Variants in DACT1 observed in about 807,000 individuals in gnomAD.
The protein encoded by DACT1 is dapper homolog 1.
In DACT1, 19 loss-of-function variants were observed where a neutral mutation model predicts 35.3. The ratio of observed to expected loss-of-function variants is 0.54; its 90% CI spans 0.38 to 0.79. The LOEUF (loss-of-function observed/expected upper bound fraction) is 0.79, where lower values mean the gene tolerates loss of function less well. Among genes scored for constraint, DACT1 ranks in the 30% least tolerant of loss-of-function variants. The pLI is 0.00. For missense variants in DACT1, 1,143 were observed against 1,057.5 expected (o/e 1.08, Z -1.12); for synonymous variants, 545 against 466.7 (o/e 1.17, Z -2.16).
intron 3 of DACT1, among the ~76,000 whole-genome samples, chr14:58,644,648 G>A (rs1264882591): frequency 2.0e-5 from 3 of 152,124 alleles, no homozygotes; most frequent in African/African-American, 4.8e-5. Context: ...AGTTATATTT[G>A]AATGGATGTC....
chr14:58,636,304 T>C (rs1206361937), upstream of DACT1, among the ~76,000 whole-genome samples: 1 of 152,216 alleles, frequency 6.6e-6, no homozygotes, highest in Non-Finnish European at 1.5e-5. Flanking sequence ...AAAAGTATGC[T>C]AATGAAAAAA....
chr14:58,638,438 C>T lies in DACT1; in HGVS notation c.236C>T (p.Ala79Val), dbSNP rs1359675404. The T allele has an allele frequency of 3.0e-6, 4 of 1,334,734 alleles. No individual in the cohort carries two copies. The highest frequency in any genetic ancestry group is 2.9e-6 in the Non-Finnish European group (3 of 1,039,684). 82.7% of individuals were successfully genotyped at this position (1,334,734 alleles called of 1,614,324 possible). A position where few individuals can be genotyped will look rare whatever the true frequency, so the allele number is the denominator to read the frequency against. Residue 79 changes from alanine to valine, a missense_variant, in exon 1 of 4, where the codon GCG (alanine) becomes GTG (valine). Ala to Val is a moderately conservative substitution (Grantham distance 64). Transcript: ENST00000395153. ...GGCGCCCTGCGCGGCGCCGGGGGTGCGGGAGCCGCTGCGCCCCGCGCTGGG... is the reference window on the plus strand; with the variant it reads ...GGCGCCCTGCGCGGCGCCGGGGGTGTGGGAGCCGCTGCGCCCCGCGCTGGG... The part of the protein sequence containing the change: ...VRGALRGAGG[A>V]GAAAPRAGEL...
Position 58,647,090 on chromosome 14 carries a change from C to T in DACT1, c.2356C>T (p.Leu786Phe). The change falls in exon 4 of 4, where the codon CTC (leucine) becomes TTC (phenylalanine). Residue 786 changes from leucine to phenylalanine, a missense_variant. Around this residue, in one of 3 missense-constraint regions of DACT1, gnomAD observed 1,054 missense variants for 958.8 expected, o/e 1.10. Coordinates refer to ENST00000395153, the MANE Select transcript of DACT1 (RefSeq NM_001079520.2). ...KASHNLKKKI[L>F]RFRSGSLKLM... ...CTCACATAACCTCAAGAAGAAGATC[C>T]TCCGCTTTCGGTCTGGCTCTTTGAA... 1 of 1,614,174 alleles carries T rather than the reference C, an allele frequency of 6.2e-7. No homozygotes were observed. Among genetic ancestry groups the T allele is most frequent in the Non-Finnish European group, 8.5e-7 (1 of 1,180,022 alleles).
rs1011850606 is a variant in DACT1 at position 58,647,393 on chromosome 14, T to C, written c.*259T>C. 1 of 466,302 alleles carries C rather than the reference T, an allele frequency of 2.1e-6. No homozygotes were observed. Among genetic ancestry groups the C allele is most frequent in the Non-Finnish European group, 3.9e-6 (1 of 259,304 alleles). The allele number at this position is 466,302 out of a possible 1,614,324, so 28.9% of individuals were successfully genotyped here. ...ATAGTGAGTTTTGTGGCACCAGCTG[T>C]TTTTTATTTTAAACTTTCTGAGCAT... On this transcript the variant is annotated 3_prime_UTR_variant, in exon 4 of 4. Coordinates refer to ENST00000395153, the MANE Select transcript of DACT1 (RefSeq NM_001079520.2).
intron 2 of DACT1, 117 bp downstream of exon 2, chr14:58,640,985 A>G: frequency 1.7e-6 from 2 of 1,144,650 alleles, no homozygotes; most frequent in Non-Finnish European, 2.4e-6. Context: ...TGCAGAGAGG[A>G]TAAACAAAAA....
chr14:58,644,430 T>C (rs1292883212), intron 3 of DACT1, among the ~76,000 whole-genome samples: 1 of 152,214 alleles, frequency 6.6e-6, no homozygotes, highest in African/African-American at 2.4e-5. Context: ...AGATGGAGTC[T>C]CACTGTTGCC....
chr14:58,639,580 T>C (rs1659495275), intron 1 of DACT1, among the ~76,000 whole-genome samples: 3 of 145,068 alleles, frequency 2.1e-5, no homozygotes, highest in South Asian at 2.1e-4. Context: ...TTCTTTTCTC[T>C]GTGTGTGTGT....
At chr14:58,634,181 A>G (rs972114375), upstream of DACT1, 1 of 152,210 alleles carries the variant, frequency 6.6e-6, no homozygotes, top group Non-Finnish European at 1.5e-5. Flanking sequence ...AAACACAGCT[A>G]AAAGGTAACC....
At chr14:58,637,287 C>T (rs1051194824), upstream of DACT1, among the ~76,000 whole-genome samples, 8 of 152,264 alleles carry the variant, frequency 5.3e-5, no homozygotes, top group Admixed American at 1.3e-4. Flanking sequence ...TGCAACCTCT[C>T]GCTATACAAC....
intron 3 of DACT1, 75 bp from the exon 4 acceptor site, chr14:58,645,294 G>C: frequency 6.2e-7 from 1 of 1,614,172 alleles, no homozygotes; most frequent in Non-Finnish European, 8.5e-7. Context: ...GAAGGCCACT[G>C]TGAAGACCAG....
rs760167392 is a variant in DACT1, at chr14:58,645,585, C to T, written c.851C>T (p.Pro284Leu). The T allele has an allele frequency of 2.5e-6, 4 of 1,614,124 alleles. No individual in the cohort carries two copies. Among genetic ancestry groups the T allele is most frequent in the South Asian group, 1.1e-5 (1 of 91,070 alleles). The change falls in exon 4 of 4, where the codon CCG becomes CTG. Residue 284 changes from proline to leucine, a missense_variant. Physicochemically the swap from Pro to Leu is moderately conservative, Grantham distance 98. Coordinates refer to ENST00000395153, the MANE Select transcript of DACT1 (RefSeq NM_001079520.2). ...LDAVKTDSSLPSPSSLWSASH... is the reference protein window; with the variant it reads ...LDAVKTDSSLLSPSSLWSASH... ...GCCGTCAAAACAGACAGTTCCTTAC[C>T]GTCCCCAAGCAGTCTGTGGTCTGCT...
In DACT1 at chr14:58,646,700, A is replaced by G. The variant is rs747322707; in HGVS notation, c.1966A>G (p.Arg656Gly). 9.9e-6 allele frequency: 16 copies of G among 1,613,046 alleles called. No individual in the cohort carries two copies. In the Admixed American group the frequency reaches 2.7e-4, roughly 27 times the overall value. ...GATTTCCTACGAAGAGGCCCTGAGG[A>G]GGGCCCGGCGCGGTCGCCGGGAGAA... ...AEISYEEALRRARRGRRENVG... is the reference protein window; with the variant it reads ...AEISYEEALRGARRGRRENVG... Residue 656 changes from arginine to glycine, a missense_variant, in exon 4 of 4, where the codon AGG becomes GGG. Around this residue, in one of 3 missense-constraint regions of DACT1, gnomAD observed 1,054 missense variants for 958.8 expected, o/e 1.10. Coordinates refer to ENST00000395153, the MANE Select transcript of DACT1 (RefSeq NM_001079520.2).
intron 3 of DACT1, among the ~76,000 whole-genome samples, chr14:58,641,980 T>TA (rs2047631318): frequency 6.6e-6 from 1 of 152,260 alleles, no homozygotes. Context: ...CAAGACACTT[T>TA]ATCTCTAGAA....
At chr14:58,638,592 G>T in intron 1 of DACT1, 45 bp downstream of exon 1, 1 of 1,304,070 alleles carries the variant, frequency 7.7e-7, no homozygotes, top group Non-Finnish European at 9.8e-7. Flanking sequence ...CTGCCCAGGG[G>T]CTGGAGGTCG....
chr14:58,640,680 T>C, intron 1 of DACT1, 56 bp from the exon 2 acceptor site: 4 of 1,603,352 alleles, frequency 2.5e-6, no homozygotes, highest in Middle Eastern at 1.7e-4. Flanking sequence ...GAGTAGACTT[T>C]CTGGTTCTTT....
At chr14:58,641,243 C>T (rs988703470) in intron 2 of DACT1, among the ~76,000 whole-genome samples, 1 of 145,164 alleles carries the variant, frequency 6.9e-6, no homozygotes, top group African/African-American at 2.7e-5. Context: ...ATTTGGGCTC[C>T]TTAGATTTTT....
At chr14:58,639,226 T>G in intron 1 of DACT1, 1 of 985,478 alleles carries the variant, frequency 1.0e-6, no homozygotes, top group Non-Finnish European at 1.2e-6. Flanking sequence ...CAGCTGTGAT[T>G]GGTGGTGGAG....
chr14:58,641,792 C>G (rs762582282), intron 3 of DACT1, 45 bp downstream of exon 3: 3 of 1,592,312 alleles, frequency 1.9e-6, no homozygotes, highest in Admixed American at 3.4e-5. Flanking sequence ...TGGAAGGCAT[C>G]AAGGGCCCTT....
At position 58,646,767 on chromosome 14, in the gene DACT1, G is replaced by T. The variant is rs1468366928; in HGVS notation, c.2033G>T (p.Ser678Ile). The change falls in exon 4 of 4, where the codon AGC becomes ATC. Residue 678 changes from serine (S) to isoleucine (I), a missense_variant. By Grantham distance (142) the Ser-to-Ile change is moderately radical (BLOSUM62 -2). Around this residue, in one of 3 missense-constraint regions of DACT1, gnomAD observed 1,054 missense variants for 958.8 expected, o/e 1.10. Coordinates refer to ENST00000395153, the MANE Select transcript of DACT1 (RefSeq NM_001079520.2). ...GCGCCTGTGCCTCTGCCCTACGCCA[G>T]CCCCTACGCCTACGTGGCTAGCGAC... ...YPAPVPLPYA[S>I]PYAYVASDSE... 6.2e-6 allele frequency: 10 copies of T among 1,613,988 alleles called. No homozygotes were observed. The Admixed American group carries it at 1.7e-4, about 27-fold the overall frequency.
Sources: allele counts gnomAD v4.1 joint callset (sites outside exome capture counted in the v4.1 genomes callset), GRCh38; gene constraint gnomAD v4.1.1; regional missense constraint gnomAD v4.1.1; transcripts MANE v1.5; gene names NCBI Gene and HGNC (gene_info 2026-07-23, HGNC 2026-07-21).